The following HEG1 variants were observed in gnomAD, a reference collection of about 807,000 sequenced individuals.
HEG1 encodes heart development protein with EGF like domains 1.
HEG1 carries 56 observed loss-of-function variants against 125.6 expected under a neutral mutation model. The ratio of observed to expected loss-of-function variants is 0.45; its 90% CI spans 0.36 to 0.56. The LOEUF is 0.56. HEG1 is among the 20% of genes least tolerant of loss of function. The pLI, the probability that HEG1 is intolerant of heterozygous loss-of-function variation, is 0.00. For missense variants in HEG1, 1,523 were observed against 1,670.0 expected (o/e 0.91, Z 1.53); for synonymous variants, 644 against 668.5 (o/e 0.96, Z 0.57).
intron 3 of HEG1, among the ~76,000 whole-genome samples, chr3:125,022,706 AAT>A (rs1560028978): frequency 8.2e-6 from 1 of 122,606 alleles, no homozygotes; most frequent in African/African-American, 2.8e-5. Context: ...GAAATAAATA[AAT>A]AAAAAGAAAA....
chr3:125,015,436 C>T (rs563925970), intron 5 of HEG1, among the ~76,000 whole-genome samples: 22 of 152,286 alleles, frequency 1.4e-4, no homozygotes, highest in East Asian at 5.8e-4. Context: ...CTCTTCCTCC[C>T]GGAAGGACCA....
chr3:125,005,853 G>A (rs938181263), intron 8 of HEG1, among the ~76,000 whole-genome samples: 2 of 152,286 alleles, frequency 1.3e-5, no homozygotes, highest in African/African-American at 4.8e-5. Flanking sequence ...ACTGAGTCAT[G>A]CCCACCACTT....
chr3:125,022,592 G>A (rs1169817945), intron 3 of HEG1, among the ~76,000 whole-genome samples: 1 of 150,720 alleles, frequency 6.6e-6, no homozygotes, highest in Non-Finnish European at 1.5e-5. Flanking sequence ...GAAAGACCTG[G>A]ACACAAAAAT....
rs200003756 is a variant in HEG1, at chr3:125,013,105, T to C, written c.2474A>G (p.Glu825Gly). 6.2e-7 allele frequency: 1 copy of C among 1,613,966 alleles called. No individual in the cohort carries two copies. Among genetic ancestry groups the C allele is most frequent in the Admixed American group, 1.7e-5 (1 of 60,014 alleles). The part of the protein sequence containing the change: ...LPPSLTESST[E>G]QTLPATSTNL... ...GGTGCTTGTGGCTGGAAGGGTTTGC[T>C]CTGTGGAGGACTCTGTTAAGGATGG... The change falls in exon 6 of 17, where the codon GAG (glutamate) becomes GGG (glycine). Residue 825 changes from glutamate to glycine, a missense_variant. Transcript: ENST00000311127.
chr3:124,978,138 T>G (rs1025430483), intron 14 of HEG1, among the ~76,000 whole-genome samples, 192 bp from the exon 15 acceptor site: 2 of 151,980 alleles, frequency 1.3e-5, no homozygotes, highest in Admixed American at 6.6e-5. Context: ...AGAAGAGTTT[T>G]TTGTTGTTGT....
chr3:125,012,618 T>C lies in HEG1; in HGVS notation c.2956+5A>G. On this transcript the variant is annotated splice_donor_5th_base_variant and intron_variant, in intron 6 of 16. Transcript: ENST00000311127. ...TTAACATGTGCTTGTGTGACTGTGTTTTACCTGAGGCTGAAGAGGACACTG... is the reference window on the plus strand; with the variant it reads ...TTAACATGTGCTTGTGTGACTGTGTCTTACCTGAGGCTGAAGAGGACACTG... The C allele has an allele frequency of 6.2e-7, 1 of 1,610,516 alleles. No homozygotes were observed. Among genetic ancestry groups the C allele is most frequent in the Non-Finnish European group, 8.5e-7 (1 of 1,178,158 alleles).
intron 13 of HEG1, 41 bp downstream of exon 13, chr3:124,990,903 A>C: frequency 2.6e-6 from 4 of 1,553,626 alleles, no homozygotes; most frequent in Non-Finnish European, 3.5e-6. Flanking sequence ...TATCTAAATA[A>C]GATTTGTAAC....
chr3:125,000,825 G>A (rs1443990888), intron 11 of HEG1, among the ~76,000 whole-genome samples: 3 of 152,162 alleles, frequency 2.0e-5, no homozygotes, highest in South Asian at 2.1e-4. Flanking sequence ...CATGTCCAGC[G>A]TCTGGATGCC....
Position 125,013,269 on chromosome 3 carries a change from G to T in HEG1, c.2310C>A (p.Leu770=), listed in dbSNP as rs747281069. Residue 770 remains leucine (L), a synonymous_variant, in exon 6 of 17, where the codon CTC becomes CTA. Coordinates refer to ENST00000311127, the MANE Select transcript of HEG1 (RefSeq NM_020733.2). ...TSTMTSFMTM[L]HSSQTADLKS... ...TAAGGTCTGCAGTTTGACTACTATGGAGCATTGTCATGAATGATGTCATTG... is the reference window on the plus strand; with the variant it reads ...TAAGGTCTGCAGTTTGACTACTATGTAGCATTGTCATGAATGATGTCATTG... 1 of 1,613,990 alleles carries T rather than the reference G, an allele frequency of 6.2e-7. No homozygotes were observed. Among genetic ancestry groups the T allele is most frequent in the East Asian group, 2.2e-5 (1 of 44,890 alleles).
At chr3:125,006,990 G>A (rs1225008575) in intron 8 of HEG1, among the ~76,000 whole-genome samples, 3 of 151,854 alleles carry the variant, frequency 2.0e-5, no homozygotes, top group African/African-American at 4.8e-5. Flanking sequence ...ACGAGGTCAG[G>A]AGATCGAGAC....
chr3:124,978,019 C>T lies in HEG1; in HGVS notation c.3734-73G>A, dbSNP rs1936577077. ...GAATGAGTGAGTTCTCAAGAATGGT[C>T]TCCCCTGACTCTACAGTCACCACCC... On this transcript the variant is annotated intron_variant, in intron 14 of 16. Coordinates refer to ENST00000311127, the MANE Select transcript of HEG1 (RefSeq NM_020733.2). The T allele has an allele frequency of 1.3e-5, 15 of 1,112,632 alleles. No individual in the cohort carries two copies. The South Asian group carries it at 2.0e-4, about 15-fold the overall frequency. The allele number at this position is 1,112,632 out of a possible 1,614,324, so 68.9% of individuals were successfully genotyped here. A position where few individuals can be genotyped will look rare whatever the true frequency, so the allele number is the denominator to read the frequency against.
intron 1 of HEG1, among the ~76,000 whole-genome samples, chr3:125,044,715 T>A (rs889305730): frequency 6.6e-6 from 1 of 151,946 alleles, no homozygotes; most frequent in Non-Finnish European, 1.5e-5. Context: ...AGAGAAAGAA[T>A]GAAATAAGAA....
At chr3:124,973,948 A>C in intron 15 of HEG1, 43 bp from the exon 16 acceptor site, 1 of 1,351,360 alleles carries the variant, frequency 7.4e-7, no homozygotes, top group African/African-American at 1.5e-5. Flanking sequence ...TTCCGTAAAG[A>C]AGTGATACTG....
intron 12 of HEG1, among the ~76,000 whole-genome samples, chr3:124,992,897 T>A (rs1373630556): frequency 6.6e-6 from 1 of 152,250 alleles, no homozygotes; most frequent in Non-Finnish European, 1.5e-5. Flanking sequence ...TTTCCTGAGC[T>A]ACATTCTCTT....
intron 3 of HEG1, among the ~76,000 whole-genome samples, chr3:125,025,311 C>T (rs1344376438): frequency 6.6e-6 from 1 of 152,202 alleles, no homozygotes; most frequent in Non-Finnish European, 1.5e-5. Context: ...TGGATTCAGA[C>T]ATACTTGGAT....
At chr3:125,007,112 T>C (rs1355810367) in intron 8 of HEG1, among the ~76,000 whole-genome samples, 2 of 139,930 alleles carry the variant, frequency 1.4e-5, no homozygotes, top group Non-Finnish European at 3.0e-5. Context: ...GGCAGGAGAA[T>C]GGCGTGAACC....
rs150853869 is a variant in HEG1 at position 125,023,960 on chromosome 3, C to T, written c.914-2830G>A. On this transcript the variant is annotated intron_variant, in intron 3 of 16. Transcript: ENST00000311127. ...TGCTATCCAGAACTTGCCGAAAGTA[C>T]AGCTGAAGCAGCTATTTGAGAAAGA... Among the ~76,000 whole-genome samples the T allele has an allele frequency of 3.1e-3, 349 of 111,358 alleles. 1 individual carries two copies. The highest frequency in any genetic ancestry group is 9.8e-3 in the African/African-American group (317 of 32,456). The allele number at this position is 111,358 out of a possible 152,430, so 73.1% of individuals were successfully genotyped here.
Position 125,009,790 on chromosome 3 carries a change from G to T in HEG1, c.3108C>A (p.Ser1036=). 3 of 1,613,530 alleles carry T rather than the reference G, an allele frequency of 1.9e-6. No homozygotes were observed. Among genetic ancestry groups the T allele is most frequent in the Non-Finnish European group, 2.5e-6 (3 of 1,179,562 alleles). ...VNECLSNPCP[S]TAMCNNTQGS... ...CCTGAGTATTGTTGCACATGGCTGTGGATGGGCAGGGGTTCGACAGGCACT... is the reference window on the plus strand; with the variant it reads ...CCTGAGTATTGTTGCACATGGCTGTTGATGGGCAGGGGTTCGACAGGCACT... Residue 1036 remains serine, a synonymous_variant, in exon 8 of 17, where the codon TCC becomes TCA. Transcript: ENST00000311127.
Position 125,018,092 on chromosome 3 carries a change from C to A in HEG1, c.1588+1170G>T, listed in dbSNP as rs759906860. 7.6e-4 allele frequency among the ~76,000 whole-genome samples: 115 copies of A among 151,824 alleles called. 1 individual carries two copies. Among genetic ancestry groups the A allele is most frequent in the Admixed American group, 6.4e-3 (97 of 15,250 alleles). On this transcript the variant is annotated intron_variant, in intron 5 of 16. Coordinates refer to ENST00000311127, the MANE Select transcript of HEG1 (RefSeq NM_020733.2). ...TACACTTGTACCTGAATGTTCACCACAGCATTATTCATAATAGCCAAAAGG... is the reference window on the plus strand; with the variant it reads ...TACACTTGTACCTGAATGTTCACCAAAGCATTATTCATAATAGCCAAAAGG...
Sources: allele counts gnomAD v4.1 joint callset (sites outside exome capture counted in the v4.1 genomes callset), GRCh38; gene constraint gnomAD v4.1.1; transcripts MANE v1.5; gene names NCBI Gene and HGNC (gene_info 2026-07-23, HGNC 2026-07-21).